The following AHRR variants were observed in gnomAD, a reference collection of about 807,000 sequenced individuals.
AHRR encodes aryl hydrocarbon receptor repressor, also known as ahR repressor.
A neutral mutation model predicts 44.0 loss-of-function variants in AHRR; 28 were observed. That is an observed-to-expected ratio of 0.64 (90% confidence interval 0.47 to 0.87). The LOEUF is 0.87. Among genes scored for constraint, AHRR ranks in the 40% least tolerant of loss-of-function variants. The pLI is 0.00. For synonymous variants in AHRR, 434 were observed against 407.0 expected, an observed-to-expected ratio of 1.07 and a Z score of -0.80; for missense variants, 990 against 953.9, an observed-to-expected ratio of 1.04 and a Z score of -0.50.
intron 7 of AHRR, among the ~76,000 whole-genome samples, chr5:427,103 A>C (rs1313767961): frequency 6.6e-6 from 1 of 152,074 alleles, no homozygotes; most frequent in Non-Finnish European, 1.5e-5. Flanking sequence ...TGGTGGATGG[A>C]TGGATGGATA....
intron 1 of AHRR, among the ~76,000 whole-genome samples, chr5:330,755 G>A (rs1022783956): frequency 6.6e-6 from 1 of 151,876 alleles, no homozygotes; most frequent in Non-Finnish European, 1.5e-5. Context: ...TGGTATCTGC[G>A]TGATATGGGC....
chr5:384,762 T>C (rs1734105438), intron 4 of AHRR, among the ~76,000 whole-genome samples: 1 of 152,210 alleles, frequency 6.6e-6, no homozygotes, highest in Non-Finnish European at 1.5e-5. Context: ...TTTAAAATAG[T>C]ATACATATTT....
At chr5:427,360 T>C (rs1481435868) in intron 7 of AHRR, among the ~76,000 whole-genome samples, 8 of 152,186 alleles carry the variant, frequency 5.3e-5, no homozygotes, top group African/African-American at 1.9e-4. Context: ...TAATTACAAA[T>C]GAAGAATTGA....
chr5:430,355 G>A (rs897606140), intron 8 of AHRR, among the ~76,000 whole-genome samples: 7 of 152,164 alleles, frequency 4.6e-5, no homozygotes, highest in African/African-American at 1.7e-4. Flanking sequence ...CGTGCCCTCC[G>A]TGGGAGCACC....
At chr5:371,829 T>C (rs1743590840) in intron 3 of AHRR, among the ~76,000 whole-genome samples, 1 of 152,202 alleles carries the variant, frequency 6.6e-6, no homozygotes. Context: ...GGCCGCCTGC[T>C]CCTCTCTCCC....
At chr5:344,168 C>T (rs1742478230) in intron 2 of AHRR, among the ~76,000 whole-genome samples, 3 of 151,302 alleles carry the variant, frequency 2.0e-5, no homozygotes, top group Admixed American at 1.3e-4. Context: ...CGGCGAGGCT[C>T]GTCCCTGCGC....
chr5:401,854 C>T (rs549293684), intron 4 of AHRR, among the ~76,000 whole-genome samples: 2 of 152,288 alleles, frequency 1.3e-5, no homozygotes, highest in East Asian at 3.9e-4. Flanking sequence ...ACCAAGCCTC[C>T]GTTGACAGGT....
chr5:398,272 A>G (rs1412523015), intron 4 of AHRR, among the ~76,000 whole-genome samples: 2 of 150,658 alleles, frequency 1.3e-5, no homozygotes, highest in Non-Finnish European at 1.5e-5. Flanking sequence ...CTGACCATCC[A>G]CGTAGCCCCT....
At chr5:429,649 G>A (rs529745015) in intron 8 of AHRR, among the ~76,000 whole-genome samples, 2 of 152,354 alleles carry the variant, frequency 1.3e-5, no homozygotes, top group East Asian at 3.9e-4. Flanking sequence ...TCCTGCAGCC[G>A]CCACTGGGCA....
At chr5:322,579 C>T (rs1741535444) in intron 1 of AHRR, 1 of 152,148 alleles carries the variant, frequency 6.6e-6, no homozygotes, top group African/African-American at 2.4e-5. Flanking sequence ...CGTGTGCGCG[C>T]GTTCTCCAAA....
intron 4 of AHRR, among the ~76,000 whole-genome samples, chr5:380,909 G>GT (rs1560900068): frequency 6.6e-6 from 1 of 152,248 alleles, no homozygotes; most frequent in African/African-American, 2.4e-5. Flanking sequence ...CTCAGTCCAA[G>GT]TCTGGAAGCC....
At position 366,731 on chromosome 5, in the gene AHRR, C is replaced by T. The variant is rs113871940; in HGVS notation, c.245-9879C>T. On this transcript the variant is annotated intron_variant, in intron 3 of 10. Coordinates refer to ENST00000684583, the MANE Select transcript of AHRR (RefSeq NM_001377236.1). ...TGGAATAAGCCGGCATTGTGCACCC[C>T]GCAACAGGATGAGTGGGTGGAGCAC... 2.2e-3 allele frequency among the ~76,000 whole-genome samples: 336 copies of T among 152,302 alleles called. 2 individuals are homozygous for T. Among genetic ancestry groups the T allele is most frequent in the African/African-American group, 7.7e-3 (320 of 41,558 alleles).
At chr5:348,404 G>A (rs1396194655) in intron 2 of AHRR, among the ~76,000 whole-genome samples, 3 of 151,336 alleles carry the variant, frequency 2.0e-5, no homozygotes, top group Admixed American at 6.6e-5. Flanking sequence ...TGAACTGCAC[G>A]TTTAAGGTGT....
rs112385894 is a variant in AHRR at position 372,485 on chromosome 5, T to C, written c.245-4125T>C. ...CTGTTCTGCTTCTTCTGTTTCTTCA[T>C]CTCGCCTTCTTTTCAGCTCCCCCTG... On this transcript the variant is annotated intron_variant, in intron 3 of 10. Coordinates refer to ENST00000684583, the MANE Select transcript of AHRR (RefSeq NM_001377236.1). Among the ~76,000 whole-genome samples, 6 of 152,092 alleles carry C rather than the reference T, an allele frequency of 3.9e-5. 1 individual carries two copies. The highest frequency in any genetic ancestry group is 1.4e-4 in the African/African-American group (6 of 41,454).
In AHRR at chr5:434,727, C is replaced by G. The variant is rs1347218569; in HGVS notation, c.1987C>G (p.Pro663Ala). Residue 663 changes from proline (P) to alanine (A), a missense_variant, in exon 11 of 11, where the codon CCC becomes GCC. Physicochemically the swap from Pro to Ala is conservative, Grantham distance 27. Transcript: ENST00000684583. Reference protein sequence around the residue: ...PVVKREPLDSPQWATHSQGMV... With the variant: ...PVVKREPLDSAQWATHSQGMV... Reference sequence around the variant, plus strand: ...GGTCAAGCGGGAGCCCTTGGACTCACCCCAGTGGGCTACTCACAGCCAGGG... The same window carrying G: ...GGTCAAGCGGGAGCCCTTGGACTCAGCCCAGTGGGCTACTCACAGCCAGGG... 2 of 1,571,428 alleles carry G rather than the reference C, an allele frequency of 1.3e-6. No individual in the cohort carries two copies. The highest frequency in any genetic ancestry group is 2.3e-5 in the South Asian group (2 of 85,630).
intron 5 of AHRR, among the ~76,000 whole-genome samples, chr5:415,162 A>G (rs1244841636): frequency 6.6e-6 from 1 of 152,224 alleles, no homozygotes; most frequent in African/African-American, 2.4e-5. Context: ...AAGCTGTGAC[A>G]CTGCGGGGTG....
intron 1 of AHRR, among the ~76,000 whole-genome samples, chr5:331,706 T>A (rs966710761): frequency 6.6e-6 from 1 of 152,210 alleles, no homozygotes; most frequent in Non-Finnish European, 1.5e-5. Flanking sequence ...GGGTGAGCAT[T>A]ACCACCTGAG....
intron 5 of AHRR, 117 bp from the exon 6 acceptor site, chr5:422,611 CT>C (rs1306298133): frequency 2.2e-6 from 3 of 1,381,084 alleles, no homozygotes; most frequent in Non-Finnish European, 3.1e-6. Context: ...GATTCTCTCC[CT>C]GTGGCTGTGA....
chr5:421,962 C>T (rs955666061), intron 5 of AHRR, among the ~76,000 whole-genome samples: 2 of 152,186 alleles, frequency 1.3e-5, no homozygotes, highest in Non-Finnish European at 1.5e-5. Flanking sequence ...CAGAAAGAGT[C>T]CTAAGGTTCT....
Sources: gnomAD v4.1 joint callset for allele counts (sites outside exome capture counted in the v4.1 genomes callset) on GRCh38, gnomAD v4.1.1 for gene constraint, MANE v1.5 for transcripts, NCBI Gene and HGNC (gene_info 2026-07-23, HGNC 2026-07-21) for gene names.